Variants in KCNH3 observed in about 807,000 individuals in gnomAD.
The protein encoded by KCNH3 is voltage-gated inwardly rectifying potassium channel KCNH3.
In KCNH3, 36 loss-of-function variants were observed where a neutral mutation model predicts 95.6. The observed-to-expected ratio is 0.38, with a 90% CI of 0.29 to 0.50. The LOEUF is 0.50. Among genes scored for constraint, KCNH3 ranks in the 20% least tolerant of loss-of-function variants. The pLI is 0.95. For missense variants in KCNH3, 1,030 were observed against 1,484.1 expected (o/e 0.69, Z 5.03); for synonymous variants, 620 against 646.3 (o/e 0.96, Z 0.62).
chr12:49,541,252 A>C, intron 2 of KCNH3, 120 bp downstream of exon 2: 1 of 761,918 alleles, frequency 1.3e-6, no homozygotes, highest in African/African-American at 1.7e-5. Flanking sequence ...ATGTCATCCC[A>C]TCTTCCCATC....
intron 13 of KCNH3, chr12:49,556,781 T>C (rs994206831): frequency 1.5e-5 from 10 of 658,228 alleles, no homozygotes; most frequent in South Asian, 3.0e-5. Flanking sequence ...GTTTACGTTA[T>C]ATAATGTAAC....
chr12:49,539,974 C>G lies in KCNH3; in HGVS notation c.76+482C>G, dbSNP rs1937816197. On this transcript the variant is annotated intron_variant, in intron 1 of 14. Coordinates refer to ENST00000257981, the MANE Select transcript of KCNH3 (RefSeq NM_012284.3). This position sits in a 1 kb window ranked among gnomAD's most constrained non-coding sequence, Gnocchi z 6.7. Reference sequence around the variant, plus strand: ...AGCACCGTGTGTCCAAGCCCCGTGTCTCATAGCCTGAACCCCCTAGACTTG... The same window carrying G: ...AGCACCGTGTGTCCAAGCCCCGTGTGTCATAGCCTGAACCCCCTAGACTTG... Among the ~76,000 whole-genome samples the G allele has an allele frequency of 6.6e-6, 1 of 152,166 alleles. No individual in the cohort carries two copies. Among genetic ancestry groups the G allele is most frequent in the Non-Finnish European group, 1.5e-5 (1 of 68,020 alleles).
chr12:49,540,440 A>G (rs931416552), intron 1 of KCNH3, among the ~76,000 whole-genome samples: 24 of 152,240 alleles, frequency 1.6e-4, no homozygotes, highest in African/African-American at 4.6e-4. Flanking sequence ...AGCAGGATGT[A>G]TGGTGGTCTG....
chr12:49,557,290 G>A (rs773989046), intron 14 of KCNH3, 31 bp downstream of exon 14: 3 of 1,613,598 alleles, frequency 1.9e-6, no homozygotes, highest in Non-Finnish European at 2.5e-6. Flanking sequence ...AGGTGAGGGG[G>A]GCACCAGGGG....
intron 14 of KCNH3, 39 bp downstream of exon 14, chr12:49,557,298 G>A: frequency 6.2e-7 from 1 of 1,613,738 alleles, no homozygotes; most frequent in Non-Finnish European, 8.5e-7. Flanking sequence ...GGGGCACCAG[G>A]GGAAGGCACT....
chr12:49,544,886 G>T (rs1272510903), intron 7 of KCNH3, among the ~76,000 whole-genome samples: 6 of 151,914 alleles, frequency 3.9e-5, no homozygotes, highest in East Asian at 1.9e-4. Context: ...GGCTTTCTGC[G>T]TCCCCAGCAT....
intron 7 of KCNH3, among the ~76,000 whole-genome samples, chr12:49,545,870 T>C (rs1938044978): frequency 6.6e-6 from 1 of 152,106 alleles, no homozygotes; most frequent in Admixed American, 6.5e-5. Context: ...TTTCCCCAAG[T>C]GCTCTCACTG....
chr12:49,543,614 C>T (rs2138141579), intron 5 of KCNH3, 96 bp downstream of exon 5: 3 of 1,453,238 alleles, frequency 2.1e-6, no homozygotes, highest in Non-Finnish European at 9.2e-7. Context: ...TACAGTGCCC[C>T]CCTCGCTCTC....
In KCNH3 at chr12:49,555,832, G is replaced by A; in HGVS notation, c.2349G>A (p.Gly783=). 1 of 1,613,292 alleles carries A rather than the reference G, an allele frequency of 6.2e-7. No individual in the cohort carries two copies. Residue 783 remains glycine (G), a synonymous_variant, in exon 12 of 15, where the codon GGG becomes GGA. Coordinates refer to ENST00000257981, the MANE Select transcript of KCNH3 (RefSeq NM_012284.3). The stretch of plus-strand genomic sequence containing the variant: ...CCCGGCCTCGTCTAGGTGGCAGAGG[G>A]AGGCCAGGCAGGGCAGGGGCTTTGA... The part of the protein sequence containing the change: ...TAPRPRLGGR[G]RPGRAGALKA...
At chr12:49,541,984 C>T (rs897282721) in intron 3 of KCNH3, among the ~76,000 whole-genome samples, 3 of 152,208 alleles carry the variant, frequency 2.0e-5, no homozygotes, top group African/African-American at 7.2e-5. Context: ...GTTTTTAAGT[C>T]AACTTTATTA....
At chr12:49,540,819 T>G in intron 1 of KCNH3, 80 bp from the exon 2 acceptor site, 1 of 1,169,022 alleles carries the variant, frequency 8.6e-7, no homozygotes, top group South Asian at 1.3e-5. Context: ...ACTCTTTGGT[T>G]GCAGGCATTT....
intron 10 of KCNH3, among the ~76,000 whole-genome samples, chr12:49,553,634 G>A (rs189944055): frequency 8.5e-5 from 13 of 152,180 alleles, no homozygotes; most frequent in South Asian, 2.1e-4. Context: ...AGATTACACC[G>A]CAGGCTCTAA....
chr12:49,557,875 C>T lies in KCNH3; in HGVS notation c.3174C>T (p.His1058=). ...GCCTGGCCTTGCCCTGGGACCCCCACAGCCTGGAGATGGTGCTTATTGGCT... is the reference window on the plus strand; with the variant it reads ...GCCTGGCCTTGCCCTGGGACCCCCATAGCCTGGAGATGGTGCTTATTGGCT... ...SGGLALPWDP[H]SLEMVLIGCH... is the part of the protein sequence containing the mutation. Residue 1058 remains histidine (H), a synonymous_variant, in exon 15 of 15, where the codon CAC becomes CAT. Coordinates refer to ENST00000257981, the MANE Select transcript of KCNH3 (RefSeq NM_012284.3). The T allele has an allele frequency of 6.4e-7, 1 of 1,570,500 alleles. No homozygotes were observed. Among genetic ancestry groups the T allele is most frequent in the African/African-American group, 1.4e-5 (1 of 73,642 alleles).
At position 49,541,009 on chromosome 12, in the gene KCNH3, C is replaced by T. The variant is rs770488678; in HGVS notation, c.187C>T (p.Arg63Trp). 10 of 1,613,964 alleles carry T rather than the reference C, an allele frequency of 6.2e-6. No homozygotes were observed. The highest frequency in any genetic ancestry group is 8.5e-6 in the Non-Finnish European group (10 of 1,180,030). Residue 63 changes from arginine (R) to tryptophan (W), a missense_variant, in exon 2 of 15, where the codon CGG (arginine) becomes TGG (tryptophan). Transcript: ENST00000257981. ...TGFSRAEVMQ[R>W]GCACSFLYGP... is the part of the protein sequence containing the mutation. ...CTTCTCCCGGGCTGAGGTCATGCAG[C>T]GGGGCTGTGCCTGCTCCTTCCTTTA...
Position 49,539,263 on chromosome 12 carries a change from C to T in KCNH3, c.-154C>T. 3.8e-6 allele frequency: 1 copy of T among 263,638 alleles called. No homozygotes were observed. The highest frequency in any genetic ancestry group is 6.8e-6 in the Non-Finnish European group (1 of 147,860). 16.3% of individuals were successfully genotyped at this position (263,638 alleles called of 1,614,324 possible). ...GGACGCCCCCTCGCGCGCCAGCGTC[C>T]GGCGCGACCCCGGATCCCGGTCTGC... On this transcript the variant is annotated 5_prime_UTR_variant, in exon 1 of 15. Transcript: ENST00000257981. The surrounding 1 kb of genome is among the most constrained non-coding windows in gnomAD (Gnocchi z 6.7).
At chr12:49,550,016 G>A in intron 9 of KCNH3, 64 bp from the exon 10 acceptor site, 3 of 1,501,026 alleles carry the variant, frequency 2.0e-6, no homozygotes, top group East Asian at 2.4e-5. Context: ...AGAGGGGCTG[G>A]CTGGAGGCCA....
At position 49,539,943 on chromosome 12, in the gene KCNH3, C is replaced by G. The variant is rs186651250; in HGVS notation, c.76+451C>G. Among the ~76,000 whole-genome samples the G allele has an allele frequency of 6.6e-6, 1 of 152,292 alleles. No homozygotes were observed. The highest frequency in any genetic ancestry group is 2.4e-5 in the African/African-American group (1 of 41,552). On this transcript the variant is annotated intron_variant, in intron 1 of 14. Coordinates refer to ENST00000257981, the MANE Select transcript of KCNH3 (RefSeq NM_012284.3). This position sits in a 1 kb window ranked among gnomAD's most constrained non-coding sequence, Gnocchi z 6.7. ...AACGGAGATAAGAGTAGGCGGCACTCGGGAGAGCACCGTGTGTCCAAGCCC... is the reference window on the plus strand; with the variant it reads ...AACGGAGATAAGAGTAGGCGGCACTGGGGAGAGCACCGTGTGTCCAAGCCC...
At chr12:49,541,174 C>A in intron 2 of KCNH3, 42 bp downstream of exon 2, 1 of 1,476,906 alleles carries the variant, frequency 6.8e-7, no homozygotes, top group Non-Finnish European at 9.3e-7. Context: ...TTTGCAGTCT[C>A]ACCCAGCCTG....
At chr12:49,544,501 AGAG>A (rs1937993137) in intron 7 of KCNH3, 119 bp downstream of exon 7, 2 of 985,830 alleles carry the variant, frequency 2.0e-6, no homozygotes. Flanking sequence ...TGTGCAAATC[AGAG>A]AAGAGGGTGT....
Sources: allele counts gnomAD v4.1 joint callset (sites outside exome capture counted in the v4.1 genomes callset), GRCh38; gene constraint gnomAD v4.1.1; non-coding constraint Gnocchi (gnomAD v3.1); transcripts MANE v1.5; gene names NCBI Gene and HGNC (gene_info 2026-07-23, HGNC 2026-07-21).